AGBL4: variants seen among roughly 807,000 people sequenced by gnomAD.
The protein encoded by AGBL4 is AGBL carboxypeptidase 4, also known as cytosolic carboxypeptidase 6.
Under a neutral mutation model 66.4 loss-of-function variants are expected in AGBL4, and 58 were observed. The observed-to-expected ratio is 0.87, with a 90% CI of 0.71 to 1.09. AGBL4 has a LOEUF of 1.09. Ranked by LOEUF, AGBL4 falls within the 50% of genes least tolerant of loss-of-function variation. The pLI, the probability that AGBL4 is intolerant of heterozygous loss-of-function variation, is 0.00. For synonymous variants in AGBL4, 234 were observed against 222.9 expected (o/e 1.05, Z -0.44); for missense variants, 579 against 631.0 (o/e 0.92, Z 0.88).
At chr1:49,001,081 G>T (rs1197787108) in intron 5 of AGBL4, among the ~76,000 whole-genome samples, 1 of 152,140 alleles carries the variant, frequency 6.6e-6, no homozygotes, top group Non-Finnish European at 1.5e-5. Context: ...CCAAATTAGT[G>T]TACTGCTTAG....
At chr1:49,470,814 T>G (rs1174105483) in intron 3 of AGBL4, among the ~76,000 whole-genome samples, 2 of 152,094 alleles carry the variant, frequency 1.3e-5, no homozygotes, top group African/African-American at 2.4e-5. Flanking sequence ...GAGCTGCTAC[T>G]CTAGGCAACT....
intron 5 of AGBL4, among the ~76,000 whole-genome samples, chr1:48,867,624 T>C (rs1177669769): frequency 6.6e-6 from 1 of 152,202 alleles, no homozygotes; most frequent in African/African-American, 2.4e-5. Context: ...GCTGCACTGG[T>C]TGAGTGTCCG....
intron 4 of AGBL4, among the ~76,000 whole-genome samples, chr1:49,100,657 T>G (rs1479567802): frequency 6.6e-6 from 1 of 152,142 alleles, no homozygotes. Flanking sequence ...TAAGTCCAAG[T>G]TGGCAATGCC....
chr1:48,920,946 C>G (rs529886039), intron 5 of AGBL4, among the ~76,000 whole-genome samples: 1 of 152,312 alleles, frequency 6.6e-6, no homozygotes, highest in East Asian at 1.9e-4. Flanking sequence ...CCTGCCAAGG[C>G]CCTGTACTGG....
At chr1:49,236,316 C>T (rs115803587) in intron 4 of AGBL4, among the ~76,000 whole-genome samples, 183 of 152,254 alleles carry the variant, frequency 1.2e-3, no homozygotes, top group African/African-American at 4.3e-3. Context: ...GTGTGAGCCA[C>T]CACACCCAGC....
At chr1:49,922,260 G>A (rs140453053) in intron 1 of AGBL4, among the ~76,000 whole-genome samples, 64 of 151,992 alleles carry the variant, frequency 4.2e-4, no homozygotes, top group African/African-American at 1.4e-3. Context: ...ATATTTTGTC[G>A]AGGATTTTTA....
chr1:48,932,628 C>A (rs1477213245), intron 5 of AGBL4, among the ~76,000 whole-genome samples: 1 of 152,130 alleles, frequency 6.6e-6, no homozygotes, highest in African/African-American at 2.4e-5. Context: ...AAAAATGAAG[C>A]ATCTCATAAA....
At chr1:48,883,622 A>T (rs1649998734) in intron 5 of AGBL4, among the ~76,000 whole-genome samples, 1 of 152,110 alleles carries the variant, frequency 6.6e-6, no homozygotes. Context: ...TTATCTGTTT[A>T]TTTCCTCACT....
intron 5 of AGBL4, among the ~76,000 whole-genome samples, chr1:49,026,993 G>T (rs755423419): frequency 3.3e-5 from 5 of 151,862 alleles, no homozygotes; most frequent in Admixed American, 6.6e-5. Flanking sequence ...AAAATTGATT[G>T]TGTTTTCTTG....
chr1:48,806,420 G>A (rs1645924860), intron 6 of AGBL4, among the ~76,000 whole-genome samples: 1 of 152,160 alleles, frequency 6.6e-6, no homozygotes, highest in African/African-American at 2.4e-5. Context: ...AATCCCACTG[G>A]TAGGCAGCTT....
chr1:50,020,459 T>TA (rs1553161204), intron 1 of AGBL4, among the ~76,000 whole-genome samples: 2 of 152,114 alleles, frequency 1.3e-5, no homozygotes, highest in Non-Finnish European at 2.9e-5. Flanking sequence ...AAGGTCCACA[T>TA]ATAATAAGTC....
At chr1:49,713,931 A>G (rs1378402044) in intron 2 of AGBL4, among the ~76,000 whole-genome samples, 1 of 151,938 alleles carries the variant, frequency 6.6e-6, no homozygotes, top group Non-Finnish European at 1.5e-5. Context: ...GCCTGGCTTT[A>G]CTTCTAAATG....
At chr1:49,644,013 A>T (rs1050338511) in intron 3 of AGBL4, among the ~76,000 whole-genome samples, 1 of 151,712 alleles carries the variant, frequency 6.6e-6, no homozygotes, top group Non-Finnish European at 1.5e-5. Context: ...TGCAGAGCCT[A>T]TAACACAGAA....
chr1:49,920,354 A>G (rs1265674061), intron 1 of AGBL4, among the ~76,000 whole-genome samples: 6 of 152,246 alleles, frequency 3.9e-5, no homozygotes, highest in Non-Finnish European at 2.9e-5. Context: ...ACAAAGGGCT[A>G]ATATCCAGAA....
intron 6 of AGBL4, among the ~76,000 whole-genome samples, chr1:48,755,855 T>C (rs1324806772): frequency 2.6e-5 from 4 of 152,214 alleles, no homozygotes; most frequent in Non-Finnish European, 5.9e-5. Flanking sequence ...CAGAAAGCAT[T>C]TGGTCAATGT....
intron 3 of AGBL4, among the ~76,000 whole-genome samples, chr1:49,386,736 A>G (rs1002143651): frequency 6.6e-6 from 1 of 152,022 alleles, no homozygotes; most frequent in African/African-American, 2.4e-5. Flanking sequence ...TGATTAAGAC[A>G]ATTATCATTT....
At chr1:49,894,498 CGAA>C (rs1648975441) in intron 1 of AGBL4, among the ~76,000 whole-genome samples, 1 of 151,830 alleles carries the variant, frequency 6.6e-6, no homozygotes, top group Admixed American at 6.6e-5. Flanking sequence ...TAAGGAAACT[CGAA>C]GAAGTTCAAA....
chr1:49,412,370 T>C lies in AGBL4; in HGVS notation c.283-166506A>G, dbSNP rs956634764. On this transcript the variant is annotated intron_variant, in intron 3 of 13. Transcript: ENST00000371839. ...CTTTGGACTCTTCTTATAAGAACACTAATCCCATTAATGGGATTAGTGAGT... is the reference window on the plus strand; with the variant it reads ...CTTTGGACTCTTCTTATAAGAACACCAATCCCATTAATGGGATTAGTGAGT... Among the ~76,000 whole-genome samples the C allele has an allele frequency of 6.6e-5, 10 of 152,246 alleles. No individual in the cohort carries two copies. The East Asian group carries it at 1.9e-3, about 30-fold the overall frequency.
intron 3 of AGBL4, among the ~76,000 whole-genome samples, chr1:49,690,663 T>C (rs1646869300): frequency 6.6e-6 from 1 of 152,202 alleles, no homozygotes; most frequent in Non-Finnish European, 1.5e-5. Flanking sequence ...ACTTATGACA[T>C]TGAAGTGTTC....
Sources: allele counts gnomAD v4.1 joint callset (sites outside exome capture counted in the v4.1 genomes callset), GRCh38; gene constraint gnomAD v4.1.1; transcripts MANE v1.5; gene names NCBI Gene and HGNC (gene_info 2026-07-23, HGNC 2026-07-21).